The following NLRP11 variants were observed in gnomAD, a reference collection of about 807,000 sequenced individuals.
The protein encoded by NLRP11 is NACHT, LRR and PYD domains-containing protein 11.
Under a neutral mutation model 79.3 loss-of-function variants are expected in NLRP11, and 53 were observed. The ratio of observed to expected loss-of-function variants is 0.67; its 90% CI spans 0.54 to 0.84. The LOEUF is 0.84. Ranked by LOEUF, NLRP11 falls within the 40% of genes least tolerant of loss-of-function variation. NLRP11 has a pLI of 0.00. For missense variants in NLRP11, 1,264 were observed against 1,255.0 expected, an observed-to-expected ratio of 1.01 and a Z score of -0.11; for synonymous variants, 518 against 462.6, an observed-to-expected ratio of 1.12 and a Z score of -1.54.
chr19:55,811,159 A>T lies in NLRP11; in HGVS notation c.272-821T>A, dbSNP rs141211021. On this transcript the variant is annotated intron_variant, in intron 2 of 9. Coordinates refer to ENST00000589093, the Ensembl canonical transcript of NLRP11. ...TTACTGAAATCCTGATCATTTAATG[A>T]ACTACTTAAGATAAATGAAATTGTA... Among the ~76,000 whole-genome samples, 106 of 152,288 alleles carry T rather than the reference A, an allele frequency of 7.0e-4. 2 individuals are homozygous for T. Among genetic ancestry groups the T allele is most frequent in the African/African-American group, 2.5e-3 (104 of 41,560 alleles).
At chr19:55,819,456 C>T (rs531296245) in intron 1 of NLRP11, among the ~76,000 whole-genome samples, 6 of 152,108 alleles carry the variant, frequency 3.9e-5, no homozygotes, top group African/African-American at 9.7e-5. Context: ...CATTACACTC[C>T]GTCACGAGAA....
rs571338394 is a variant in NLRP11 at position 55,794,708 on chromosome 19, C to T, written c.2342+1372G>A. On this transcript the variant is annotated intron_variant, in intron 6 of 9. Transcript: ENST00000589093. ...CCGGGAGGCGGAGCTTGCAGTGAGC[C>T]GAGATCGCGCCACCGCACTCCAGCC... Among the ~76,000 whole-genome samples, 669 of 151,700 alleles carry T rather than the reference C, an allele frequency of 4.4e-3. 4 individuals carry two copies. The highest frequency in any genetic ancestry group is 0.015 in the African/African-American group (640 of 41,366).
intron 2 of NLRP11, among the ~76,000 whole-genome samples, chr19:55,810,575 C>T (rs543819135): frequency 6.6e-6 from 1 of 152,190 alleles, no homozygotes; most frequent in Non-Finnish European, 1.5e-5. Flanking sequence ...GGGCTCACTA[C>T]AGCCTCCACC....
intron 4 of NLRP11, among the ~76,000 whole-genome samples, chr19:55,804,013 T>G (rs570171723): frequency 6.6e-6 from 1 of 152,240 alleles, no homozygotes; most frequent in Admixed American, 6.5e-5. Flanking sequence ...ACCTGGGAAG[T>G]GGAGGTTGCA....
At chr19:55,811,967 A>ATG (rs1980642419) in intron 2 of NLRP11, among the ~76,000 whole-genome samples, 1 of 109,456 alleles carries the variant, frequency 9.1e-6, no homozygotes, top group Non-Finnish European at 1.8e-5. Flanking sequence ...AGTTTCACAC[A>ATG]TGTACACACA....
intron 1 of NLRP11, among the ~76,000 whole-genome samples, chr19:55,826,478 C>A (rs1568645303): frequency 7.4e-6 from 1 of 134,984 alleles, no homozygotes; most frequent in Non-Finnish European, 1.6e-5. Flanking sequence ...CAAATTGTCC[C>A]TGTTTGCAGA....
chr19:55,790,802 A>G (rs1053578996), intron 7 of NLRP11, among the ~76,000 whole-genome samples: 5 of 152,178 alleles, frequency 3.3e-5, no homozygotes, highest in Non-Finnish European at 7.3e-5. Flanking sequence ...TCGGTAAAAT[A>G]TATAGAGAGT....
chr19:55,819,517 AAC>A (rs1412503259), intron 1 of NLRP11, among the ~76,000 whole-genome samples: 3 of 152,188 alleles, frequency 2.0e-5, no homozygotes, highest in African/African-American at 7.2e-5. Context: ...GCCTTGACCC[AAC>A]ACAGTCAAGG....
At chr19:55,813,766 G>A (rs1298799621) in intron 2 of NLRP11, among the ~76,000 whole-genome samples, 1 of 152,094 alleles carries the variant, frequency 6.6e-6, no homozygotes, top group Non-Finnish European at 1.5e-5. Flanking sequence ...GAAAGACATT[G>A]CAATGTCCAT....
At position 55,797,528 on chromosome 19, in the gene NLRP11, G is replaced by C. The variant is rs1339644980; in HGVS notation, c.2172-1278C>G. 2.0e-5 allele frequency among the ~76,000 whole-genome samples: 3 copies of C among 152,176 alleles called. No homozygotes were observed. The East Asian group carries it at 5.8e-4, about 29-fold the overall frequency. On this transcript the variant is annotated intron_variant, in intron 5 of 9. Transcript: ENST00000589093. Reference sequence around the variant, plus strand: ...AGAAATACGATGGAATTCTAGCATTGTAAAGACAGGGCTGAATGTATCATG... The same window carrying C: ...AGAAATACGATGGAATTCTAGCATTCTAAAGACAGGGCTGAATGTATCATG...
At chr19:55,793,302 T>C (rs945307547) in intron 6 of NLRP11, among the ~76,000 whole-genome samples, 2 of 151,714 alleles carry the variant, frequency 1.3e-5, no homozygotes, top group African/African-American at 2.4e-5. Flanking sequence ...GGCACGGTGG[T>C]TCACACCTGT....
chr19:55,798,585 G>T (rs1018468626), intron 5 of NLRP11, among the ~76,000 whole-genome samples: 1 of 152,134 alleles, frequency 6.6e-6, no homozygotes, highest in Admixed American at 6.6e-5. Flanking sequence ...CGTGGGTGAT[G>T]AAATAATCTG....
chr19:55,807,762 G>A, intron 4 of NLRP11, 91 bp downstream of exon 4: 1 of 820,010 alleles, frequency 1.2e-6, no homozygotes, highest in Non-Finnish European at 1.9e-6. Context: ...ACCTGAAAGT[G>A]TGTTTTGTAT....
chr19:55,808,680 CGA>C, intron 3 of NLRP11, 87 bp downstream of exon 3: 2 of 1,214,570 alleles, frequency 1.6e-6, no homozygotes, highest in Non-Finnish European at 2.3e-6. Flanking sequence ...TTCATGGCCC[CGA>C]GTTTGTCTTG....
At chr19:55,798,360 C>T (rs1319877960) in intron 5 of NLRP11, 20 of 984,214 alleles carry the variant, frequency 2.0e-5, no homozygotes, top group Non-Finnish European at 2.4e-5. Context: ...AGGACAGAGT[C>T]ACAAGATCTG....
chr19:55,817,909 C>A, exon 2 of NLRP11: 1 of 1,602,480 alleles, frequency 6.2e-7, no homozygotes, highest in Non-Finnish European at 8.5e-7. Context: ...CTCACGGTTT[C>A]GTCTGCCAAT....
At chr19:55,792,192 C>T (rs1223168214) in intron 7 of NLRP11, 109 bp downstream of exon 7, 4 of 934,352 alleles carry the variant, frequency 4.3e-6, no homozygotes, top group Non-Finnish European at 6.8e-6. Flanking sequence ...TCCCGTACCC[C>T]TATCACCCAT....
chr19:55,805,525 T>A (rs1009538550), intron 4 of NLRP11, among the ~76,000 whole-genome samples: 1 of 142,604 alleles, frequency 7.0e-6, no homozygotes, highest in Admixed American at 7.0e-5. Flanking sequence ...GCAACAAAAC[T>A]GTTTAAGGTT....
At chr19:55,834,808 G>A (rs556120162), upstream of NLRP11, among the ~76,000 whole-genome samples, 3 of 152,086 alleles carry the variant, frequency 2.0e-5, no homozygotes, top group African/African-American at 7.2e-5. Context: ...TAACAAACTC[G>A]CATTGATTAA....
Sources: gnomAD v4.1 joint callset for allele counts (sites outside exome capture counted in the v4.1 genomes callset) on GRCh38, gnomAD v4.1.1 for gene constraint, MANE v1.5 for transcripts, NCBI Gene and HGNC (gene_info 2026-07-23, HGNC 2026-07-21) for gene names.